Variants in EYA2 observed in about 807,000 individuals in gnomAD.
EYA2 encodes EYA transcriptional coactivator and phosphatase 2.
A neutral mutation model predicts 69.2 loss-of-function variants in EYA2; 31 were observed. The observed-to-expected ratio is 0.45, with a 90% CI of 0.34 to 0.60. The LOEUF (loss-of-function observed/expected upper bound fraction) is 0.60. Ranked by LOEUF, EYA2 falls within the 20% of genes least tolerant of loss-of-function variation. EYA2 has a pLI of 0.02. For synonymous variants in EYA2, 257 were observed against 279.4 expected, an observed-to-expected ratio of 0.92 and a Z score of 0.80; for missense variants, 622 against 701.2, an observed-to-expected ratio of 0.89 and a Z score of 1.28.
chr20:47,000,636 AT>A (rs1385088953), intron 2 of EYA2, among the ~76,000 whole-genome samples: 1 of 152,124 alleles, frequency 6.6e-6, no homozygotes, highest in Non-Finnish European at 1.5e-5. Context: ...CCTATGTAAA[AT>A]TATCCCCGGG....
intron 1 of EYA2, among the ~76,000 whole-genome samples, chr20:46,902,987 A>G (rs572196927): frequency 1.1e-4 from 16 of 152,372 alleles, no homozygotes; most frequent in African/African-American, 3.8e-4. Flanking sequence ...GACATTTCGT[A>G]TACCATTTCA....
intron 5 of EYA2, among the ~76,000 whole-genome samples, chr20:47,055,324 A>G (rs528535263): frequency 5.3e-5 from 8 of 152,250 alleles, no homozygotes; most frequent in African/African-American, 1.4e-4. Flanking sequence ...TCCCGAGGAG[A>G]TCCTCTGCAG....
chr20:47,130,482 G>T (rs2033315563), intron 9 of EYA2, among the ~76,000 whole-genome samples: 1 of 151,688 alleles, frequency 6.6e-6, no homozygotes, highest in Non-Finnish European at 1.5e-5. Flanking sequence ...AGCCAGGATG[G>T]TCTCGATCTC....
intron 13 of EYA2, 66 bp from the exon 14 acceptor site, chr20:47,180,749 G>A: frequency 6.3e-7 from 1 of 1,580,310 alleles, no homozygotes; most frequent in Non-Finnish European, 8.6e-7. Flanking sequence ...GCAGGCTCAT[G>A]CAGCAAGAGG....
chr20:47,133,722 A>G (rs1031111736), intron 9 of EYA2, among the ~76,000 whole-genome samples: 2 of 152,210 alleles, frequency 1.3e-5, no homozygotes, highest in African/African-American at 4.8e-5. Context: ...GTCCTCTCCC[A>G]GGGGAGCACG....
chr20:46,980,290 T>C (rs1228070196), intron 1 of EYA2, among the ~76,000 whole-genome samples: 2 of 152,220 alleles, frequency 1.3e-5, no homozygotes, highest in African/African-American at 4.8e-5. Flanking sequence ...TGAGCTGTTT[T>C]TATTTCTAGT....
chr20:47,115,893 C>A lies in EYA2; in HGVS notation c.888+18725C>A, dbSNP rs540022317. On this transcript the variant is annotated intron_variant, in intron 9 of 15. Coordinates refer to ENST00000327619, the MANE Select transcript of EYA2 (RefSeq NM_005244.5). Reference sequence around the variant, plus strand: ...CTTTCACCTTGATCTCTTTCACCCACCCCCAGCACTGCTGCAGCCTCCTGC... The same window carrying A: ...CTTTCACCTTGATCTCTTTCACCCAACCCCAGCACTGCTGCAGCCTCCTGC... Among the ~76,000 whole-genome samples the A allele has an allele frequency of 6.6e-5, 10 of 152,298 alleles. No individual in the cohort carries two copies. In the South Asian group the frequency reaches 2.1e-3, roughly 32 times the overall value.
At chr20:47,112,000 G>A (rs950270422) in intron 9 of EYA2, among the ~76,000 whole-genome samples, 2 of 151,978 alleles carry the variant, frequency 1.3e-5, no homozygotes, top group African/African-American at 4.8e-5. Flanking sequence ...AATTAGCCAG[G>A]CGTGGTGGTG....
chr20:47,104,887 G>C (rs1031841748), intron 9 of EYA2, among the ~76,000 whole-genome samples: 1 of 152,050 alleles, frequency 6.6e-6, no homozygotes, highest in Non-Finnish European at 1.5e-5. Context: ...CAGATGAGAT[G>C]GTGCACGTCT....
intron 5 of EYA2, among the ~76,000 whole-genome samples, chr20:47,066,967 G>A (rs1210222674): frequency 1.3e-5 from 2 of 152,098 alleles, no homozygotes; most frequent in African/African-American, 2.4e-5. Context: ...AGACTTCAGG[G>A]GCCACGTGCC....
chr20:47,092,026 C>T (rs1600702983), intron 8 of EYA2, among the ~76,000 whole-genome samples: 1 of 152,234 alleles, frequency 6.6e-6, no homozygotes, highest in African/African-American at 2.4e-5. Flanking sequence ...ATGCTCTTTT[C>T]AGAAGCCCTG....
At chr20:46,985,111 A>G (rs554368986) in intron 1 of EYA2, among the ~76,000 whole-genome samples, 14 of 152,382 alleles carry the variant, frequency 9.2e-5, no homozygotes, top group Admixed American at 7.2e-4. Context: ...TGTCAGAGTC[A>G]TTGTCTAGGG....
At chr20:47,106,092 TTTTTTGTTTTTG>T (rs916931381) in intron 9 of EYA2, among the ~76,000 whole-genome samples, 2 of 152,166 alleles carry the variant, frequency 1.3e-5, no homozygotes, top group Non-Finnish European at 2.9e-5. Context: ...TTGTGTTTTG[TTTTTTGTTTTTG>T]TTTTTGTTTT....
intron 1 of EYA2, among the ~76,000 whole-genome samples, chr20:46,947,288 G>GT (rs78457445): frequency 0.01 from 1,475 of 144,716 alleles, 16 homozygotes; most frequent in South Asian, 0.047. Flanking sequence ...TGGAATCTAA[G>GT]TTTTTTTTTT....
At chr20:47,164,066 C>T (rs566938841) in intron 10 of EYA2, among the ~76,000 whole-genome samples, 1 of 152,242 alleles carries the variant, frequency 6.6e-6, no homozygotes, top group East Asian at 1.9e-4. Context: ...CCCTGCAGTT[C>T]GTGTGGACAA....
chr20:47,057,605 T>TA (rs2030696545), intron 5 of EYA2, among the ~76,000 whole-genome samples: 1 of 151,734 alleles, frequency 6.6e-6, no homozygotes, highest in Non-Finnish European at 1.5e-5. Context: ...CAGTAAGACT[T>TA]TATTAAGATG....
At chr20:47,105,604 G>A (rs1362776461) in intron 9 of EYA2, among the ~76,000 whole-genome samples, 5 of 127,764 alleles carry the variant, frequency 3.9e-5, no homozygotes, top group South Asian at 2.5e-4. Flanking sequence ...CAGCCTGGGC[G>A]ACAGAGCAAG....
At chr20:46,902,655 A>T (rs1283879980) in intron 1 of EYA2, among the ~76,000 whole-genome samples, 1 of 152,224 alleles carries the variant, frequency 6.6e-6, no homozygotes, top group East Asian at 1.9e-4. Flanking sequence ...ATGGATATTT[A>T]TCGATGGTTA....
chr20:47,184,231 G>T (rs891170621), intron 15 of EYA2, among the ~76,000 whole-genome samples: 2 of 152,120 alleles, frequency 1.3e-5, no homozygotes, highest in Admixed American at 1.3e-4. Context: ...TGAGAGAGAA[G>T]GGGAGAAGTG....
Sources: gnomAD v4.1 joint callset for allele counts (sites outside exome capture counted in the v4.1 genomes callset) on GRCh38, gnomAD v4.1.1 for gene constraint, MANE v1.5 for transcripts, NCBI Gene and HGNC (gene_info 2026-07-23, HGNC 2026-07-21) for gene names.